Variants in FAT4 observed in about 807,000 individuals in gnomAD.
The protein encoded by FAT4 is FAT atypical cadherin 4.
FAT4 carries 84 observed loss-of-function variants against 303.9 expected under a neutral mutation model. The ratio of observed to expected loss-of-function variants is 0.28; its 90% CI spans 0.23 to 0.33. The LOEUF is 0.33. Ranked by LOEUF, FAT4 falls within the 10% of genes least tolerant of loss-of-function variation. The probability of loss-of-function intolerance (pLI) is 1.00; values close to 1 mark genes in which losing one functional copy is unlikely to be tolerated. For missense variants in FAT4, 6,005 were observed against 6,146.8 expected (o/e 0.98, Z 0.77); for synonymous variants, 2,307 against 2,298.8 (o/e 1.00, Z -0.10).
intron 2 of FAT4, among the ~76,000 whole-genome samples, chr4:125,356,928 T>G (rs965898429): frequency 6.6e-6 from 1 of 151,940 alleles, no homozygotes; most frequent in Non-Finnish European, 1.5e-5. Context: ...TGTTGAACAT[T>G]CATGAATCTA....
intron 14 of FAT4, 29 bp from the exon 15 acceptor site, chr4:125,479,712 G>A (rs375359664): frequency 9.2e-6 from 14 of 1,516,862 alleles, no homozygotes; most frequent in Middle Eastern, 3.6e-4. Flanking sequence ...TTTTATGTGC[G>A]TTATTGTTCT....
At position 125,316,546 on chromosome 4, in the gene FAT4, G is replaced by C; in HGVS notation, c.135G>C (p.Pro45=). The C allele has an allele frequency of 6.2e-7, 1 of 1,613,996 alleles. No individual in the cohort carries two copies. The highest frequency in any genetic ancestry group is 1.1e-5 in the South Asian group (1 of 91,070). The part of the protein sequence containing the change: ...PGQAWVHGAE[P]RQVFQVLEEQ... ...AGGCCTGGGTCCACGGGGCCGAGCC[G>C]CGCCAGGTGTTCCAAGTGCTGGAAG... Residue 45 remains proline, a synonymous_variant, in exon 2 of 18, where the codon CCG becomes CCC. Transcript: ENST00000394329. This position sits in a 1 kb window ranked among gnomAD's most constrained non-coding sequence, Gnocchi z 5.7.
chr4:125,332,686 C>T (rs1419252548), intron 2 of FAT4, among the ~76,000 whole-genome samples: 6 of 151,952 alleles, frequency 3.9e-5, no homozygotes, highest in Admixed American at 6.6e-5. Context: ...ATTTAGAAAT[C>T]GTTTTTTGTC....
rs368999477 is a variant in FAT4, at chr4:125,450,369, C to A, written c.9359C>A (p.Ala3120Glu). 4.3e-5 allele frequency: 69 copies of A among 1,613,980 alleles called. No homozygotes were observed. Among genetic ancestry groups the A allele is most frequent in the Admixed American group, 8.3e-5 (5 of 59,992 alleles). Residue 3120 changes from alanine to glutamate, a missense_variant, in exon 10 of 18, where the codon GCA becomes GAA. Coordinates refer to ENST00000394329, the MANE Select transcript of FAT4 (RefSeq NM_001291303.3). ...VRTVSARDRD[A>E]AMNGLIKYSI... ...ACTGTTTCTGCAAGAGATAGAGATG[C>A]AGCGATGAATGGCTTGATTAAGTAC...
At position 125,415,263 on chromosome 4, in the gene FAT4, G is replaced by T. The variant is rs756837886; in HGVS notation, c.6300G>T (p.Gly2100=). Residue 2100 remains glycine (G), a synonymous_variant, in exon 6 of 18, where the codon GGG becomes GGT. Transcript: ENST00000394329. The part of the protein sequence containing the change: ...LNPLGNKFSI[G]TIDGEVRLTG... Reference sequence around the variant, plus strand: ...CTTTGGGAAACAAGTTCAGTATTGGGACCATTGATGGTGAAGTGAGGCTCA... The same window carrying T: ...CTTTGGGAAACAAGTTCAGTATTGGTACCATTGATGGTGAAGTGAGGCTCA... The T allele has an allele frequency of 1.2e-6, 2 of 1,613,928 alleles. No homozygotes were observed. The highest frequency in any genetic ancestry group is 2.7e-5 in the African/African-American group (2 of 74,906).
At position 125,315,867 on chromosome 4, in the gene FAT4, C is replaced by T. The variant is rs988760128; in HGVS notation, c.-123C>T. The stretch of plus-strand genomic sequence containing the variant: ...AGTGGGGACTCCAGGAATTCCATCG[C>T]CTCCAGCTTTTGGGAAAGAAATTCG... On this transcript the variant is annotated 5_prime_UTR_variant, in exon 1 of 18. Transcript: ENST00000394329. Among the ~76,000 whole-genome samples, 3 of 152,162 alleles carry T rather than the reference C, an allele frequency of 2.0e-5. No individual in the cohort carries two copies. Among genetic ancestry groups the T allele is most frequent in the Non-Finnish European group, 2.9e-5 (2 of 68,036 alleles).
At chr4:125,481,467 C>A (rs1234980474) in intron 15 of FAT4, 54 bp from the exon 16 acceptor site, 3 of 1,521,682 alleles carry the variant, frequency 2.0e-6, no homozygotes, top group Admixed American at 1.7e-5. Context: ...AGAAAACACT[C>A]CAAGAAATGC....
At position 125,317,936 on chromosome 4, in the gene FAT4, A is replaced by C. The variant is rs1730707960; in HGVS notation, c.1525A>C (p.Asn509His). The C allele has an allele frequency of 6.2e-7, 1 of 1,614,102 alleles. No homozygotes were observed. The highest frequency in any genetic ancestry group is 1.1e-5 in the South Asian group (1 of 91,072). The change falls in exon 2 of 18, where the codon AAT becomes CAT. Residue 509 changes from asparagine (N) to histidine (H), a missense_variant. Physicochemically the swap from Asn to His is moderately conservative, Grantham distance 68. Coordinates refer to ENST00000394329, the MANE Select transcript of FAT4 (RefSeq NM_001291303.3). The surrounding 1 kb of genome is among the most constrained non-coding windows in gnomAD (Gnocchi z 7.0). Reference sequence around the variant, plus strand: ...TGATGGCGACTCTGGTCTCAATGCTAATCTGCGTTACAGCATTGTCTCTGG... The same window carrying C: ...TGATGGCGACTCTGGTCTCAATGCTCATCTGCGTTACAGCATTGTCTCTGG... ...ATDGDSGLNANLRYSIVSGNG... is the reference protein window; with the variant it reads ...ATDGDSGLNAHLRYSIVSGNG...
chr4:125,321,056 A>G lies in FAT4; in HGVS notation c.4645A>G (p.Thr1549Ala). Residue 1549 changes from threonine (T) to alanine (A), a missense_variant, in exon 2 of 18, where the codon ACA becomes GCA. Physicochemically the swap from Thr to Ala is moderately conservative, Grantham distance 58. Transcript: ENST00000394329. ...PSAVIGSVLT[T>A]IMAADPDEGA... ...AGCTGTGATTGGTTCCGTTCTGACAACAATTATGGCTGCTGACCCAGATGA... is the reference window on the plus strand; with the variant it reads ...AGCTGTGATTGGTTCCGTTCTGACAGCAATTATGGCTGCTGACCCAGATGA... The G allele has an allele frequency of 1.2e-6, 2 of 1,614,176 alleles. No individual in the cohort carries two copies. Among genetic ancestry groups the G allele is most frequent in the Non-Finnish European group, 1.7e-6 (2 of 1,180,018 alleles).
intron 8 of FAT4, among the ~76,000 whole-genome samples, chr4:125,437,358 G>A (rs1725495433): frequency 6.6e-6 from 1 of 152,166 alleles, no homozygotes. Flanking sequence ...TGAAGTTAAG[G>A]AGGCCTGGCT....
intron 10 of FAT4, among the ~76,000 whole-genome samples, chr4:125,456,331 A>G (rs892883298): frequency 6.6e-6 from 1 of 152,194 alleles, no homozygotes; most frequent in East Asian, 1.9e-4. Flanking sequence ...AGGTTGTTTG[A>G]AGTTATACAT....
In FAT4 at chr4:125,491,970, T is replaced by C. The variant is rs1560641794; in HGVS notation, c.*202T>C. ...ATTTAAACATGTGTGGTTGAATTTATTTCCCTGCATGCATTGTGTTTTGTA... is the reference window on the plus strand; with the variant it reads ...ATTTAAACATGTGTGGTTGAATTTACTTCCCTGCATGCATTGTGTTTTGTA... On this transcript the variant is annotated 3_prime_UTR_variant, in exon 18 of 18. Coordinates refer to ENST00000394329, the MANE Select transcript of FAT4 (RefSeq NM_001291303.3). 1.6e-5 allele frequency: 9 copies of C among 562,656 alleles called. No individual in the cohort carries two copies. Among genetic ancestry groups the C allele is most frequent in the Non-Finnish European group, 1.8e-5 (6 of 331,886 alleles). 34.9% of individuals were successfully genotyped at this position (562,656 alleles called of 1,614,324 possible). A position where few individuals can be genotyped will look rare whatever the true frequency, so the allele number is the denominator to read the frequency against.
At chr4:125,384,703 ACT>A (rs1490813834) in intron 2 of FAT4, among the ~76,000 whole-genome samples, 2 of 151,620 alleles carry the variant, frequency 1.3e-5, no homozygotes, top group South Asian at 4.1e-4. Context: ...TTTCCTTTAG[ACT>A]CTCTGTAATT....
chr4:125,458,432 A>G (rs1726363152), intron 10 of FAT4, among the ~76,000 whole-genome samples: 1 of 151,942 alleles, frequency 6.6e-6, no homozygotes. Context: ...GGTGTTGTTG[A>G]TGATCATGTG....
chr4:125,415,610 C>T lies in FAT4; in HGVS notation c.6647C>T (p.Pro2216Leu). 2 of 1,614,016 alleles carry T rather than the reference C, an allele frequency of 1.2e-6. No homozygotes were observed. Among genetic ancestry groups the T allele is most frequent in the Non-Finnish European group, 1.7e-6 (2 of 1,179,980 alleles). Residue 2216 changes from proline (P) to leucine (L), a missense_variant, in exon 6 of 18, where the codon CCT (proline) becomes CTT (leucine). By Grantham distance (98) the Pro-to-Leu change is moderately conservative (BLOSUM62 -3). Coordinates refer to ENST00000394329, the MANE Select transcript of FAT4 (RefSeq NM_001291303.3). ...SVTGAITVAK[P>L]LDREKTPTYH... Reference sequence around the variant, plus strand: ...ACAGGTGCCATCACTGTCGCTAAACCTTTGGATAGAGAAAAGACCCCTACC... The same window carrying T: ...ACAGGTGCCATCACTGTCGCTAAACTTTTGGATAGAGAAAAGACCCCTACC...
chr4:125,479,642 G>A, intron 14 of FAT4, 99 bp from the exon 15 acceptor site: 6 of 1,171,714 alleles, frequency 5.1e-6, no homozygotes. Flanking sequence ...ATAATGGAGT[G>A]CTTGAAATTA....
chr4:125,387,550 G>A (rs1578585720), intron 2 of FAT4, among the ~76,000 whole-genome samples: 1 of 152,014 alleles, frequency 6.6e-6, no homozygotes, highest in South Asian at 2.1e-4. Context: ...TCTATGATTC[G>A]TTCCTCTTGG....
rs1374806485 is a variant in FAT4, at chr4:125,318,307, C to T, written c.1896C>T (p.Phe632=). The T allele has an allele frequency of 2.5e-6, 4 of 1,614,222 alleles. No individual in the cohort carries two copies. Among genetic ancestry groups the T allele is most frequent in the Admixed American group, 1.7e-5 (1 of 60,026 alleles). Residue 632 remains phenylalanine, a synonymous_variant, in exon 2 of 18, where the codon TTC becomes TTT. Coordinates refer to ENST00000394329, the MANE Select transcript of FAT4 (RefSeq NM_001291303.3). ...LQEAETDRRS[F]RLDPVSGRLS... ...AGGCAGAGACTGACCGGAGGTCCTTCCGTCTGGATCCTGTGTCTGGGAGGT... is the reference window on the plus strand; with the variant it reads ...AGGCAGAGACTGACCGGAGGTCCTTTCGTCTGGATCCTGTGTCTGGGAGGT...
intron 2 of FAT4, among the ~76,000 whole-genome samples, chr4:125,366,528 C>T (rs1337802360): frequency 1.3e-5 from 2 of 151,528 alleles, no homozygotes; most frequent in Admixed American, 6.6e-5. Context: ...GTTGATTCCA[C>T]GTCTTTGCCA....
Sources: gnomAD v4.1 joint callset for allele counts (sites outside exome capture counted in the v4.1 genomes callset) on GRCh38, gnomAD v4.1.1 for gene constraint, Gnocchi (gnomAD v3.1) non-coding constraint, MANE v1.5 for transcripts, NCBI Gene and HGNC (gene_info 2026-07-23, HGNC 2026-07-21) for gene names.